PRKX: variants seen among roughly 807,000 people sequenced by gnomAD.
PRKX encodes protein kinase cAMP-dependent X-linked catalytic subunit, also known as cAMP-dependent protein kinase catalytic subunit PRKX.
PRKX carries 12 observed loss-of-function variants against 22.0 expected under a neutral mutation model. The observed-to-expected ratio is 0.54, with a 90% CI of 0.35 to 0.88. The LOEUF (loss-of-function observed/expected upper bound fraction) is 0.88, where lower values mean the gene tolerates loss of function less well. PRKX is among the 40% of genes least tolerant of loss of function. PRKX has a pLI of 0.01. For missense variants in PRKX, 217 were observed against 308.0 expected, an observed-to-expected ratio of 0.70 and a Z score of 2.21; for synonymous variants, 134 against 137.7, an observed-to-expected ratio of 0.97 and a Z score of 0.19.
chrX:3,669,920 C>G (rs1331314237), intron 2 of PRKX, among the ~76,000 whole-genome samples: 3 of 112,031 alleles, frequency 2.7e-5, no homozygotes, highest in African/African-American at 9.7e-5. Flanking sequence ...TTTGCCCTCC[C>G]TCCCTGAAGG....
At chrX:3,689,476 T>C (rs1334765075) in intron 1 of PRKX, among the ~76,000 whole-genome samples, 1 of 111,870 alleles carries the variant, frequency 8.9e-6, no homozygotes, top group East Asian at 2.8e-4. Flanking sequence ...TCAGGAGTCC[T>C]AGACCAGCCT....
intron 1 of PRKX, among the ~76,000 whole-genome samples, chrX:3,712,446 G>C (rs1175766203): frequency 3.6e-5 from 4 of 111,525 alleles, no homozygotes; most frequent in Non-Finnish European, 7.5e-5. Context: ...CAAAGACAGA[G>C]GACAAAGGAA....
intron 2 of PRKX, among the ~76,000 whole-genome samples, chrX:3,656,727 G>T (rs765617150): frequency 2.2e-4 from 25 of 112,117 alleles, no homozygotes; most frequent in Non-Finnish European, 4.3e-4. Flanking sequence ...TAAGCATATA[G>T]ATGGACATTA....
At chrX:3,709,759 G>A (rs1928751108) in intron 1 of PRKX, among the ~76,000 whole-genome samples, 1 of 111,362 alleles carries the variant, frequency 9.0e-6, no homozygotes, top group African/African-American at 3.3e-5. Flanking sequence ...TCTCTACATA[G>A]GGTGAGTTTT....
intron 4 of PRKX, among the ~76,000 whole-genome samples, chrX:3,627,592 G>A (rs1157190792): frequency 2.8e-5 from 3 of 108,405 alleles, no homozygotes; most frequent in African/African-American, 1.0e-4. Context: ...CTTCCAAGTA[G>A]CTGGGATCAC....
intron 4 of PRKX, among the ~76,000 whole-genome samples, chrX:3,627,325 T>C (rs1926680492): frequency 9.8e-6 from 1 of 101,560 alleles, no homozygotes; most frequent in Non-Finnish European, 2.0e-5. Flanking sequence ...GAGGTTGCAG[T>C]GAGCCGAGAT....
rs1376114498 is a variant in PRKX, at chrX:3,713,567, C to G, written c.-314G>C. The stretch of plus-strand genomic sequence containing the variant: ...GGGCTGGGGGGGGCGAGGCGGGGGC[C>G]CTGCGCATTCCGGGTCTCGCGCCCG... On this transcript the variant is annotated 5_prime_UTR_variant, in exon 1 of 9. Coordinates refer to ENST00000262848, the MANE Select transcript of PRKX (RefSeq NM_005044.5). The G allele has an allele frequency of 1.2e-5, 2 of 173,735 alleles. No individual in the cohort carries two copies. The highest frequency in any genetic ancestry group is 2.2e-5 in the Non-Finnish European group (2 of 92,720). 14.3% of individuals were successfully genotyped at this position (173,735 alleles called of 1,213,427 possible). A position where few individuals can be genotyped will look rare whatever the true frequency, so the allele number is the denominator to read the frequency against.
At chrX:3,662,694 C>CAAAAAAA (rs55726241) in intron 2 of PRKX, among the ~76,000 whole-genome samples, 1 of 44,225 alleles carries the variant, frequency 2.3e-5, no homozygotes, top group Non-Finnish European at 3.8e-5. Flanking sequence ...GACTCCATCT[C>CAAAAAAA]AAAAAAAAAA....
chrX:3,693,578 G>A (rs1052042000), intron 1 of PRKX, among the ~76,000 whole-genome samples: 5 of 110,944 alleles, frequency 4.5e-5, no homozygotes, highest in African/African-American at 1.6e-4. Flanking sequence ...TAGGTTGAAT[G>A]GTGCCCCCCA....
intron 1 of PRKX, among the ~76,000 whole-genome samples, chrX:3,696,190 G>A (rs960725280): frequency 3.6e-5 from 4 of 110,110 alleles, no homozygotes; most frequent in Non-Finnish European, 5.7e-5. Flanking sequence ...AGAAGGCGCC[G>A]TCTATGAACC....
intron 2 of PRKX, among the ~76,000 whole-genome samples, chrX:3,657,749 G>A (rs1187718048): frequency 9.0e-6 from 1 of 111,513 alleles, no homozygotes; most frequent in Non-Finnish European, 1.9e-5. Flanking sequence ...GCTTGCCTGA[G>A]GTGCTTCTCC....
chrX:3,678,323 G>C (rs762723876), intron 1 of PRKX, among the ~76,000 whole-genome samples: 3 of 111,482 alleles, frequency 2.7e-5, no homozygotes, highest in Non-Finnish European at 5.7e-5. Flanking sequence ...CCTCTATCTG[G>C]TTCCTTCCTC....
chrX:3,629,799 G>A (rs1251295373), intron 4 of PRKX, among the ~76,000 whole-genome samples: 1 of 111,618 alleles, frequency 9.0e-6, no homozygotes, highest in African/African-American at 3.3e-5. Flanking sequence ...GACCACAGGT[G>A]TGTGCCACCA....
rs138505192 is a variant in PRKX at position 3,685,139 on chromosome X, C to T, written c.167-10373G>A. On this transcript the variant is annotated intron_variant, in intron 1 of 8. Transcript: ENST00000262848. ...GCCTAAAATAATTCTTGCATACACA[C>T]TTTCCATCTTGGGTCCTTCCTGAGG... is the stretch of plus-strand genomic sequence containing the variant. 3.4e-4 allele frequency among the ~76,000 whole-genome samples: 38 copies of T among 111,113 alleles called. No homozygotes were observed. In the East Asian group the frequency reaches 0.01, roughly 30 times the overall value.
rs757942893 is a variant in PRKX at position 3,677,039 on chromosome X, G to A, written c.167-2273C>T. Reference sequence around the variant, plus strand: ...AGGTATGTCTTCATTAACAGCATGAGAATGGACTAATGCAGAATCTACAAT... The same window carrying A: ...AGGTATGTCTTCATTAACAGCATGAAAATGGACTAATGCAGAATCTACAAT... On this transcript the variant is annotated intron_variant, in intron 1 of 8. Coordinates refer to ENST00000262848, the MANE Select transcript of PRKX (RefSeq NM_005044.5). Among the ~76,000 whole-genome samples, 328 of 111,336 alleles carry A rather than the reference G, an allele frequency of 2.9e-3. 1 individual carries two copies. The highest frequency in any genetic ancestry group is 9.6e-3 in the African/African-American group (293 of 30,584).
chrX:3,684,020 A>G (rs1159400943), intron 1 of PRKX, among the ~76,000 whole-genome samples: 1 of 111,849 alleles, frequency 8.9e-6, no homozygotes, highest in Admixed American at 9.5e-5. Context: ...CGGGAGGCCA[A>G]GGCAGGTGGA....
intron 4 of PRKX, among the ~76,000 whole-genome samples, chrX:3,630,525 A>C (rs1926755910): frequency 1.8e-5 from 2 of 111,716 alleles, no homozygotes; most frequent in African/African-American, 3.2e-5. Flanking sequence ...ACGCCACTGC[A>C]CTCCAGCCTG....
At chrX:3,659,865 C>T (rs1927560868) in intron 2 of PRKX, among the ~76,000 whole-genome samples, 1 of 110,014 alleles carries the variant, frequency 9.1e-6, no homozygotes, top group Admixed American at 9.7e-5. Flanking sequence ...GCTGGGATTA[C>T]AGGCGCATGC....
chrX:3,654,468 T>G (rs200871016), intron 3 of PRKX, among the ~76,000 whole-genome samples: 1,973 of 98,534 alleles, frequency 0.02, 54 homozygotes, highest in African/African-American at 0.066. Context: ...TTTTTTTTTT[T>G]TTTTTTTTTG....
Sources: gnomAD v4.1 joint callset for allele counts (sites outside exome capture counted in the v4.1 genomes callset) on GRCh38, gnomAD v4.1.1 for gene constraint, MANE v1.5 for transcripts, NCBI Gene and HGNC (gene_info 2026-07-23, HGNC 2026-07-21) for gene names.